SRBD1: variants seen among roughly 807,000 people sequenced by gnomAD.
SRBD1 encodes the protein S1 RNA binding domain 1, also known as S1 RNA-binding domain-containing protein 1.
In SRBD1, 88 loss-of-function variants were observed where a neutral mutation model predicts 115.3. The observed-to-expected ratio is 0.76, with a 90% confidence interval of 0.64 to 0.91. The LOEUF (loss-of-function observed/expected upper bound fraction) is 0.91, where lower values mean the gene tolerates loss of function less well. Ranked by LOEUF, SRBD1 falls within the 40% of genes least tolerant of loss-of-function variation. The pLI is 0.00. For missense variants in SRBD1, 1,385 were observed against 1,177.4 expected, an observed-to-expected ratio of 1.18 and a Z score of -2.58; for synonymous variants, 509 against 407.7, an observed-to-expected ratio of 1.25 and a Z score of -2.99.
At chr2:45,475,733 C>T (rs1464929933) in intron 16 of SRBD1, among the ~76,000 whole-genome samples, 1 of 152,228 alleles carries the variant, frequency 6.6e-6, no homozygotes, top group African/African-American at 2.4e-5. Context: ...GAGTCTCGCT[C>T]TGTCACCCAG....
rs1012392663 is a variant in SRBD1 at position 45,553,813 on chromosome 2, A to T, written c.1410-83T>A. On this transcript the variant is annotated intron_variant, in intron 10 of 20. Transcript: ENST00000263736. ...AGGCTCCCAAAAAGAAGGGAGATGGAATACAGAAGCGGGGAAAACCTTTAT... is the reference window on the plus strand; with the variant it reads ...AGGCTCCCAAAAAGAAGGGAGATGGTATACAGAAGCGGGGAAAACCTTTAT... 22 of 815,736 alleles carry T rather than the reference A, an allele frequency of 2.7e-5. 1 individual carries two copies. In the Admixed American group the frequency reaches 6.2e-4, roughly 23 times the overall value. The allele number at this position is 815,736 out of a possible 1,614,324, so 50.5% of individuals were successfully genotyped here. A position where few individuals can be genotyped will look rare whatever the true frequency, so the allele number is the denominator to read the frequency against.
chr2:45,514,470 C>T (rs750046614), intron 14 of SRBD1, among the ~76,000 whole-genome samples: 10 of 152,044 alleles, frequency 6.6e-5, no homozygotes, highest in Non-Finnish European at 1.2e-4. Context: ...GGGAAAAAAA[C>T]GACTGCTTTA....
chr2:45,437,706 C>T (rs938787824), intron 16 of SRBD1, among the ~76,000 whole-genome samples: 4 of 152,058 alleles, frequency 2.6e-5, no homozygotes, highest in Non-Finnish European at 4.4e-5. Flanking sequence ...ACAATCTGGG[C>T]GATAGACTAA....
At chr2:45,568,314 C>T (rs997090818) in intron 9 of SRBD1, among the ~76,000 whole-genome samples, 1 of 152,142 alleles carries the variant, frequency 6.6e-6, no homozygotes, top group Non-Finnish European at 1.5e-5. Flanking sequence ...CAGTAATTTT[C>T]CTTCACCACA....
chr2:45,419,581 C>T (rs1558380119), intron 17 of SRBD1, among the ~76,000 whole-genome samples: 1 of 152,152 alleles, frequency 6.6e-6, no homozygotes, highest in Non-Finnish European at 1.5e-5. Flanking sequence ...CACTTTAGAC[C>T]TGCAATATTA....
At chr2:45,416,890 T>G (rs990460060) in intron 18 of SRBD1, among the ~76,000 whole-genome samples, 2 of 152,176 alleles carry the variant, frequency 1.3e-5, no homozygotes, top group African/African-American at 4.8e-5. Flanking sequence ...GCAATTCTCC[T>G]GTCTCAGCCT....
At chr2:45,438,270 C>G (rs1668561284) in intron 16 of SRBD1, among the ~76,000 whole-genome samples, 1 of 152,152 alleles carries the variant, frequency 6.6e-6, no homozygotes, top group East Asian at 1.9e-4. Context: ...AAATTCAATA[C>G]TCTTTAAAGG....
At chr2:45,593,786 G>A (rs1294721829) in intron 4 of SRBD1, among the ~76,000 whole-genome samples, 1 of 152,108 alleles carries the variant, frequency 6.6e-6, no homozygotes, top group Non-Finnish European at 1.5e-5. Flanking sequence ...TTATTTCACT[G>A]TATCACTTAT....
At chr2:45,543,511 G>A (rs1443579585) in intron 14 of SRBD1, among the ~76,000 whole-genome samples, 1 of 152,222 alleles carries the variant, frequency 6.6e-6, no homozygotes, top group African/African-American at 2.4e-5. Context: ...TGGCTGACAA[G>A]ATTATAGATT....
At chr2:45,527,040 TG>T (rs1449426078) in intron 14 of SRBD1, among the ~76,000 whole-genome samples, 4 of 151,884 alleles carry the variant, frequency 2.6e-5, no homozygotes, top group African/African-American at 9.7e-5. Flanking sequence ...TTTTTAGAAA[TG>T]TTTTTTAAAA....
chr2:45,475,402 T>C (rs1180023549), intron 16 of SRBD1, among the ~76,000 whole-genome samples: 1 of 152,202 alleles, frequency 6.6e-6, no homozygotes, highest in Non-Finnish European at 1.5e-5. Flanking sequence ...CTTAAAAATA[T>C]AAATCAGATT....
chr2:45,526,617 T>C (rs1281722223), intron 14 of SRBD1, among the ~76,000 whole-genome samples: 2 of 151,902 alleles, frequency 1.3e-5, no homozygotes, highest in Admixed American at 6.6e-5. Flanking sequence ...TGTGTGAATA[T>C]CTCAGTAAAA....
chr2:45,488,978 T>A (rs897355077), intron 14 of SRBD1, among the ~76,000 whole-genome samples: 2 of 152,194 alleles, frequency 1.3e-5, no homozygotes, highest in Non-Finnish European at 2.9e-5. Context: ...ATTCCTTTCA[T>A]CATTTATTTA....
chr2:45,397,203 T>A (rs1667171225), intron 19 of SRBD1, among the ~76,000 whole-genome samples: 1 of 152,166 alleles, frequency 6.6e-6, no homozygotes, highest in Non-Finnish European at 1.5e-5. Context: ...GCTTATACTC[T>A]AAGAAAATCT....
chr2:45,465,024 C>CAA (rs1669439886), intron 16 of SRBD1, among the ~76,000 whole-genome samples: 2 of 140,922 alleles, frequency 1.4e-5, no homozygotes, highest in Non-Finnish European at 3.2e-5. Context: ...CACACACACA[C>CAA]ACACACACAC....
chr2:45,558,727 T>C (rs1232330928), intron 10 of SRBD1, among the ~76,000 whole-genome samples: 4 of 137,446 alleles, frequency 2.9e-5, no homozygotes, highest in African/African-American at 5.1e-5. Context: ...GTTTCACTCT[T>C]GTCACCCAGG....
intron 15 of SRBD1, among the ~76,000 whole-genome samples, chr2:45,480,537 A>G (rs534412801): frequency 6.6e-6 from 1 of 152,322 alleles, no homozygotes; most frequent in East Asian, 1.9e-4. Context: ...GAGCCTGAAG[A>G]TGTGACTGAA....
chr2:45,472,664 G>A (rs1332052231), intron 16 of SRBD1, among the ~76,000 whole-genome samples: 1 of 152,158 alleles, frequency 6.6e-6, no homozygotes, highest in Admixed American at 6.5e-5. Flanking sequence ...TTTTTAAAAT[G>A]TATATATTAA....
chr2:45,404,962 C>G (rs1667387293), intron 19 of SRBD1, among the ~76,000 whole-genome samples: 1 of 152,132 alleles, frequency 6.6e-6, no homozygotes, highest in Non-Finnish European at 1.5e-5. Context: ...GATATCTGCA[C>G]AGCTAACTCT....
Sources: allele counts gnomAD v4.1 joint callset (sites outside exome capture counted in the v4.1 genomes callset), GRCh38; gene constraint gnomAD v4.1.1; transcripts MANE v1.5; gene names NCBI Gene and HGNC (gene_info 2026-07-23, HGNC 2026-07-21).